DAOA: variants seen among roughly 807,000 people sequenced by gnomAD.
DAOA encodes the protein D-amino acid oxidase regulator.
Under a neutral mutation model 16.4 loss-of-function variants are expected in DAOA, and 15 were observed. That is an observed-to-expected ratio of 0.91 (90% CI 0.61 to 1.41). The LOEUF is 1.41. Among genes scored for constraint, DAOA ranks in the 40% most tolerant of loss-of-function variants. The pLI is 0.00. For missense variants in DAOA, 230 were observed against 176.8 expected (o/e 1.30, Z -1.71); for synonymous variants, 75 against 59.1 (o/e 1.27, Z -1.23).
rs1876580588 is a variant in DAOA at position 105,467,141 on chromosome 13, G to A, written c.133G>A (p.Ala45Thr). 6.2e-7 allele frequency: 1 copy of A among 1,602,970 alleles called. No homozygotes were observed. The highest frequency in any genetic ancestry group is 8.5e-7 in the Non-Finnish European group (1 of 1,173,982). ...ATCTGAAAACTCTCTAAACTCTATTGGTATGTTACTCTTTATCTTTATATG... is the reference window on the plus strand; with the variant it reads ...ATCTGAAAACTCTCTAAACTCTATTAGTATGTTACTCTTTATCTTTATATG... ...SKSENSLNSI[A>T]KETEEGRETV... The change falls in exon 3 of 6, where the codon GCA becomes ACA. Residue 45 changes from alanine to threonine, a missense_variant and splice_region_variant. By Grantham distance (58) the Ala-to-Thr change is moderately conservative (BLOSUM62 0). Coordinates refer to ENST00000375936, the MANE Select transcript of DAOA (RefSeq NM_172370.5).
chr13:105,477,586 T>A (rs1190353326), intron 4 of DAOA, among the ~76,000 whole-genome samples: 2 of 152,102 alleles, frequency 1.3e-5, no homozygotes, highest in African/African-American at 4.8e-5. Flanking sequence ...TAGCCAGATA[T>A]GTTGGTGCAT....
At chr13:105,470,712 C>A (rs1385401205) in intron 3 of DAOA, among the ~76,000 whole-genome samples, 1 of 152,102 alleles carries the variant, frequency 6.6e-6, no homozygotes, top group African/African-American at 2.4e-5. Flanking sequence ...TGGGTTCAAG[C>A]AATTCTCCTG....
At chr13:105,470,533 T>C (rs1270224578) in intron 3 of DAOA, among the ~76,000 whole-genome samples, 2 of 152,180 alleles carry the variant, frequency 1.3e-5, no homozygotes, top group East Asian at 3.9e-4. Flanking sequence ...CACAATTATT[T>C]TAGAAATTCT....
intron 4 of DAOA, among the ~76,000 whole-genome samples, chr13:105,478,059 A>G (rs149462718): frequency 5.3e-5 from 8 of 152,300 alleles, no homozygotes; most frequent in African/African-American, 9.6e-5. Context: ...ACTATGAAAT[A>G]TATTTGGTTT....
intron 4 of DAOA, among the ~76,000 whole-genome samples, chr13:105,484,937 C>T (rs1327400861): frequency 6.6e-6 from 1 of 152,078 alleles, no homozygotes; most frequent in Non-Finnish European, 1.5e-5. Context: ...ATTTTTCTGT[C>T]CTTGGCTGCC....
intron 4 of DAOA, among the ~76,000 whole-genome samples, chr13:105,479,513 G>A (rs1877562146): frequency 6.6e-6 from 1 of 152,178 alleles, no homozygotes; most frequent in Admixed American, 6.5e-5. Flanking sequence ...ATCTGTGCCA[G>A]GCTTCTCTCC....
chr13:105,479,800 C>G (rs114032152), intron 4 of DAOA, among the ~76,000 whole-genome samples: 26 of 152,248 alleles, frequency 1.7e-4, no homozygotes, highest in Middle Eastern at 3.4e-3. Flanking sequence ...CCAGTAGAGA[C>G]TACTTTCGTG....
intron 4 of DAOA, among the ~76,000 whole-genome samples, chr13:105,479,419 C>T (rs377250776): frequency 1.4e-4 from 21 of 152,218 alleles, no homozygotes; most frequent in Admixed American, 4.6e-4. Flanking sequence ...TGGCTTAAAA[C>T]AGTTTTAGGC....
intron 4 of DAOA, among the ~76,000 whole-genome samples, chr13:105,483,492 G>C (rs117233912): frequency 1.0e-3 from 158 of 152,218 alleles, no homozygotes; most frequent in Non-Finnish European, 1.8e-3. Flanking sequence ...GAGTGTTCTA[G>C]TTTCTCCATA....
At chr13:105,480,125 T>C (rs1008924494) in intron 4 of DAOA, among the ~76,000 whole-genome samples, 1 of 152,322 alleles carries the variant, frequency 6.6e-6, no homozygotes, top group African/African-American at 2.4e-5. Context: ...TACATAACAA[T>C]ATTCAGCCAG....
intron 4 of DAOA, among the ~76,000 whole-genome samples, chr13:105,479,575 A>G (rs1232567197): frequency 6.6e-6 from 1 of 152,260 alleles, no homozygotes; most frequent in East Asian, 1.9e-4. Flanking sequence ...TGACAGGCAC[A>G]TCAGTCAATC....
intron 4 of DAOA, among the ~76,000 whole-genome samples, chr13:105,485,103 G>C (rs757421815): frequency 6.6e-6 from 1 of 152,058 alleles, no homozygotes; most frequent in South Asian, 2.1e-4. Context: ...TGATGTCAAG[G>C]TTTCTTCTAT....
intron 4 of DAOA, among the ~76,000 whole-genome samples, chr13:105,476,953 A>G (rs2139183935): frequency 6.6e-6 from 1 of 152,176 alleles, no homozygotes; most frequent in Middle Eastern, 3.4e-3. Context: ...TGCAGCTTAC[A>G]GTTATCTCTG....
intron 4 of DAOA, among the ~76,000 whole-genome samples, chr13:105,482,089 T>A (rs1377499746): frequency 6.6e-6 from 1 of 152,132 alleles, no homozygotes; most frequent in African/African-American, 2.4e-5. Flanking sequence ...CTCATGAGAC[T>A]TATTCACTAT....
chr13:105,476,568 C>T (rs960502511), intron 4 of DAOA, among the ~76,000 whole-genome samples: 9 of 150,258 alleles, frequency 6.0e-5, no homozygotes, highest in African/African-American at 2.2e-4. Context: ...CTAATTCTCC[C>T]TCTCGGTGAT....
chr13:105,480,881 C>G (rs1487821413), intron 4 of DAOA, among the ~76,000 whole-genome samples: 1 of 152,140 alleles, frequency 6.6e-6, no homozygotes, highest in Admixed American at 6.5e-5. Flanking sequence ...GATGAGACGG[C>G]ACCTGCCCAC....
chr13:105,469,794 CT>C (rs1222872194), intron 3 of DAOA, among the ~76,000 whole-genome samples: 3 of 152,122 alleles, frequency 2.0e-5, no homozygotes, highest in Non-Finnish European at 4.4e-5. Flanking sequence ...GGGGAACCAA[CT>C]GAAGGATATT....
intron 4 of DAOA, among the ~76,000 whole-genome samples, chr13:105,481,862 T>C (rs1319922038): frequency 1.3e-5 from 2 of 152,192 alleles, no homozygotes; most frequent in Non-Finnish European, 2.9e-5. Flanking sequence ...GACAAACATT[T>C]AATGTTTTTT....
intron 2 of DAOA, 49 bp from the exon 3 acceptor site, chr13:105,467,004 C>T: frequency 6.3e-7 from 1 of 1,576,576 alleles, no homozygotes; most frequent in Non-Finnish European, 8.6e-7. Context: ...CTCTCTTCTG[C>T]AGGGTATAAA....
Sources: gnomAD v4.1 joint callset for allele counts (sites outside exome capture counted in the v4.1 genomes callset) on GRCh38, gnomAD v4.1.1 for gene constraint, MANE v1.5 for transcripts, NCBI Gene and HGNC (gene_info 2026-07-23, HGNC 2026-07-21) for gene names.